TBC1D15: variants seen among roughly 807,000 people sequenced by gnomAD.
TBC1D15 encodes the protein TBC1 domain family member 15.
TBC1D15 carries 39 observed loss-of-function variants against 95.4 expected under a neutral mutation model. The observed-to-expected ratio is 0.41, with a 90% CI of 0.32 to 0.53. The LOEUF (loss-of-function observed/expected upper bound fraction) is 0.53. Ranked by LOEUF, TBC1D15 falls within the 20% of genes least tolerant of loss-of-function variation. TBC1D15 has a pLI of 0.29. For synonymous variants in TBC1D15, 258 were observed against 261.3 expected (o/e 0.99, Z 0.12); for missense variants, 733 against 794.3 (o/e 0.92, Z 0.93).
At chr12:71,915,366 T>G (rs1198671047) in intron 12 of TBC1D15, among the ~76,000 whole-genome samples, 2 of 151,272 alleles carry the variant, frequency 1.3e-5, no homozygotes, top group Non-Finnish European at 2.9e-5. Flanking sequence ...ATGCCTGACA[T>G]GAGGTTGTTC....
At chr12:71,920,991 G>A (rs1869072420) in intron 15 of TBC1D15, 144 bp downstream of exon 15, 4 of 621,946 alleles carry the variant, frequency 6.4e-6, no homozygotes, top group Non-Finnish European at 8.2e-6. Context: ...GACTATCTGA[G>A]AATGACAGTT....
chr12:71,841,601 T>C (rs1885027615), intron 1 of TBC1D15, among the ~76,000 whole-genome samples: 1 of 152,212 alleles, frequency 6.6e-6, no homozygotes, highest in Non-Finnish European at 1.5e-5. Flanking sequence ...CTCTAATCAA[T>C]AACCATGTCC....
chr12:71,850,727 G>A (rs529581081), intron 1 of TBC1D15, among the ~76,000 whole-genome samples: 9 of 152,218 alleles, frequency 5.9e-5, no homozygotes, highest in East Asian at 1.9e-4. Flanking sequence ...AGTGGCTCAC[G>A]CCTGTAATCC....
chr12:71,851,649 G>C (rs1419396623), intron 1 of TBC1D15, among the ~76,000 whole-genome samples: 1 of 152,176 alleles, frequency 6.6e-6, no homozygotes, highest in Non-Finnish European at 1.5e-5. Context: ...CAAAAGAAAG[G>C]GGCTGTAGGC....
At chr12:71,891,337 A>T (rs1897170654) in intron 5 of TBC1D15, among the ~76,000 whole-genome samples, 1 of 152,116 alleles carries the variant, frequency 6.6e-6, no homozygotes, top group African/African-American at 2.4e-5. Context: ...AGTTTTCTTC[A>T]AATTGTTTAG....
intron 1 of TBC1D15, among the ~76,000 whole-genome samples, chr12:71,848,624 G>A (rs1003774046): frequency 6.6e-6 from 1 of 151,454 alleles, no homozygotes; most frequent in Non-Finnish European, 1.5e-5. Context: ...AGTTCATTTG[G>A]GTCTTTTTAA....
At chr12:71,844,120 C>G (rs1485815351) in intron 1 of TBC1D15, among the ~76,000 whole-genome samples, 1 of 152,190 alleles carries the variant, frequency 6.6e-6, no homozygotes, top group African/African-American at 2.4e-5. Flanking sequence ...TCTTTCTAAG[C>G]CATCTGCCTT....
chr12:71,909,472 G>A (rs904430711), intron 11 of TBC1D15, among the ~76,000 whole-genome samples: 6 of 152,088 alleles, frequency 3.9e-5, no homozygotes, highest in African/African-American at 1.4e-4. Flanking sequence ...TAGTGAATGC[G>A]GATACTACAG....
chr12:71,913,545 T>A lies in TBC1D15; in HGVS notation c.1301-281T>A, dbSNP rs1325364132. The A allele has an allele frequency of 4.0e-5, 11 of 274,064 alleles. No individual in the cohort carries two copies. In the South Asian group the frequency reaches 4.6e-4, roughly 11 times the overall value. The allele number at this position is 274,064 out of a possible 1,614,324, so 17.0% of individuals were successfully genotyped here. A position where few individuals can be genotyped will look rare whatever the true frequency, so the allele number is the denominator to read the frequency against. On this transcript the variant is annotated intron_variant, in intron 11 of 16. Coordinates refer to ENST00000485960, the MANE Select transcript of TBC1D15 (RefSeq NM_001146213.3). Reference sequence around the variant, plus strand: ...TCATGATGCTCTTGCACATTATTTTTAAAAATATTACCCACTCTTGATAGT... The same window carrying A: ...TCATGATGCTCTTGCACATTATTTTAAAAAATATTACCCACTCTTGATAGT...
intron 10 of TBC1D15, among the ~76,000 whole-genome samples, 180 bp downstream of exon 10, chr12:71,898,121 A>C (rs1898591484): frequency 6.6e-6 from 1 of 152,102 alleles, no homozygotes; most frequent in Non-Finnish European, 1.5e-5. Flanking sequence ...TAGGCATATT[A>C]ATTCAGTAAG....
intron 3 of TBC1D15, among the ~76,000 whole-genome samples, chr12:71,876,443 T>C (rs1360661017): frequency 2.0e-5 from 3 of 152,192 alleles, no homozygotes; most frequent in Non-Finnish European, 4.4e-5. Context: ...ACATAGATTG[T>C]CTTCTAATTT....
At chr12:71,911,650 C>A (rs1210243164) in intron 11 of TBC1D15, among the ~76,000 whole-genome samples, 2 of 148,920 alleles carry the variant, frequency 1.3e-5, no homozygotes, top group African/African-American at 4.9e-5. Context: ...GGAGGGATAG[C>A]ATTAGGAGAT....
At position 71,924,186 on chromosome 12, in the gene TBC1D15, A is replaced by G. The variant is rs945870353; in HGVS notation, c.*982A>G. 1.3e-5 allele frequency: 2 copies of G among 152,614 alleles called. No homozygotes were observed. Among genetic ancestry groups the G allele is most frequent in the African/African-American group, 4.8e-5 (2 of 41,442 alleles). The allele number at this position is 152,614 out of a possible 1,614,324, so 9.5% of individuals were successfully genotyped here. A position where few individuals can be genotyped will look rare whatever the true frequency, so the allele number is the denominator to read the frequency against. ...TCAAAATAATAATTTTTGTGTATGAACAAAGCTGTTGTTTTTACCATGCAG... is the reference window on the plus strand; with the variant it reads ...TCAAAATAATAATTTTTGTGTATGAGCAAAGCTGTTGTTTTTACCATGCAG... On this transcript the variant is annotated 3_prime_UTR_variant, in exon 17 of 17. Transcript: ENST00000485960.
At chr12:71,902,505 C>A (rs968545500) in intron 10 of TBC1D15, among the ~76,000 whole-genome samples, 1 of 152,182 alleles carries the variant, frequency 6.6e-6, no homozygotes, top group Non-Finnish European at 1.5e-5. Flanking sequence ...ATAAATGTTC[C>A]TGGGATAACT....
chr12:71,896,802 AT>A (rs1898278136), intron 9 of TBC1D15, 22 bp downstream of exon 9: 5 of 1,583,298 alleles, frequency 3.2e-6, no homozygotes. Flanking sequence ...TCTTTCGTAC[AT>A]TTATCAAAGA....
At chr12:71,847,020 A>G (rs1212409089) in intron 1 of TBC1D15, among the ~76,000 whole-genome samples, 4 of 152,058 alleles carry the variant, frequency 2.6e-5, no homozygotes, top group South Asian at 2.1e-4. Context: ...TTGGCCTCCT[A>G]AAGTTCTGGG....
chr12:71,858,646 C>A (rs2138075659), intron 1 of TBC1D15, among the ~76,000 whole-genome samples: 1 of 147,610 alleles, frequency 6.8e-6, no homozygotes, highest in Admixed American at 6.9e-5. Flanking sequence ...CTCCCAGTTT[C>A]TGGGTTCAGG....
At chr12:71,897,017 C>T (rs988574578) in intron 9 of TBC1D15, among the ~76,000 whole-genome samples, 2 of 152,096 alleles carry the variant, frequency 1.3e-5, no homozygotes, top group East Asian at 3.9e-4. Flanking sequence ...AACATATTCC[C>T]TTATATAAGC....
chr12:71,902,724 A>G (rs940432695), intron 10 of TBC1D15, among the ~76,000 whole-genome samples: 1 of 152,218 alleles, frequency 6.6e-6, no homozygotes, highest in Non-Finnish European at 1.5e-5. Context: ...AGAAATTGAC[A>G]AGTGGGACCT....
Sources: gnomAD v4.1 joint callset for allele counts (sites outside exome capture counted in the v4.1 genomes callset) on GRCh38, gnomAD v4.1.1 for gene constraint, MANE v1.5 for transcripts, NCBI Gene and HGNC (gene_info 2026-07-23, HGNC 2026-07-21) for gene names.